AK9: variants seen among roughly 807,000 people sequenced by gnomAD.
AK9 encodes adenylate kinase 9, also known as adenylate kinase domain containing 1.
Under a neutral mutation model 239.6 loss-of-function variants are expected in AK9, and 191 were observed. That is an observed-to-expected ratio of 0.80 (90% CI 0.71 to 0.90). AK9 has a LOEUF of 0.90. Ranked by LOEUF, AK9 falls within the 40% of genes least tolerant of loss-of-function variation. The pLI is 0.00. For synonymous variants in AK9, 689 were observed against 721.0 expected (o/e 0.96, Z 0.71); for missense variants, 1,995 against 2,214.7 (o/e 0.90, Z 1.99).
At chr6:109,640,368 C>T (rs1479195429) in intron 10 of AK9, among the ~76,000 whole-genome samples, 2 of 152,110 alleles carry the variant, frequency 1.3e-5, no homozygotes, top group Non-Finnish European at 2.9e-5. Flanking sequence ...AAGGGAAATC[C>T]CCGGACCCCT....
chr6:109,607,748 G>A (rs555683980), intron 17 of AK9, among the ~76,000 whole-genome samples: 2 of 148,592 alleles, frequency 1.3e-5, no homozygotes, highest in Non-Finnish European at 3.0e-5. Flanking sequence ...AATGCAACCC[G>A]ATCAAAATCC....
intron 29 of AK9, among the ~76,000 whole-genome samples, chr6:109,519,495 T>C (rs1032165471): frequency 5.3e-5 from 8 of 152,130 alleles, no homozygotes; most frequent in African/African-American, 1.7e-4. Flanking sequence ...TTTTGACTTT[T>C]TAATAATAGC....
chr6:109,632,286 A>G (rs1796165705), intron 12 of AK9: 1 of 985,488 alleles, frequency 1.0e-6, no homozygotes, highest in Non-Finnish European at 1.2e-6. Flanking sequence ...GTCTTTAGCC[A>G]TGATCTTGTG....
chr6:109,646,971 T>A (rs1418660742), intron 8 of AK9, among the ~76,000 whole-genome samples: 1 of 152,184 alleles, frequency 6.6e-6, no homozygotes, highest in East Asian at 1.9e-4. Context: ...AACCCAGAAT[T>A]TCATATCCAG....
At chr6:109,515,301 C>T (rs116075270) in intron 31 of AK9, among the ~76,000 whole-genome samples, 1,728 of 152,198 alleles carry the variant, frequency 0.011, 31 homozygotes, top group African/African-American at 0.038. Context: ...TAAGAGCTAT[C>T]ATGAAAGGGA....
chr6:109,573,638 A>G (rs1344115499), intron 20 of AK9, 44 bp from the exon 21 acceptor site: 1 of 1,507,412 alleles, frequency 6.6e-7, no homozygotes, highest in South Asian at 1.3e-5. Context: ...GTTGAAGTCA[A>G]CAAATATTTA....
chr6:109,680,685 A>C (rs1456012834), intron 1 of AK9, among the ~76,000 whole-genome samples: 1 of 152,228 alleles, frequency 6.6e-6, no homozygotes, highest in Non-Finnish European at 1.5e-5. Flanking sequence ...GAAGGAAAAA[A>C]TGTTAAGGGT....
At position 109,514,347 on chromosome 6, in the gene AK9, T is replaced by C; in HGVS notation, c.4156A>G (p.Ser1386Gly). The C allele has an allele frequency of 6.4e-7, 1 of 1,551,150 alleles. No individual in the cohort carries two copies. The highest frequency in any genetic ancestry group is 8.7e-7 in the Non-Finnish European group (1 of 1,146,630). ...ATAAATTTTTCTTTTGTTTCTTTAC[T>C]AGATAAAAAATAAATATACTGACGA... is the stretch of plus-strand genomic sequence containing the variant. The part of the protein sequence containing the change: ...IHRQYIYFLS[S>G]KETKEKFMKN... The change falls in exon 32 of 41, where the codon AGT becomes GGT. Residue 1386 changes from serine (S) to glycine (G), a missense_variant. Transcript: ENST00000424296.
intron 12 of AK9, among the ~76,000 whole-genome samples, chr6:109,629,630 G>GAA (rs142212078): frequency 0.017 from 2,497 of 146,850 alleles, 32 homozygotes; most frequent in Middle Eastern, 0.042. Context: ...AACAGTATTT[G>GAA]AAAAATTTTT....
At chr6:109,574,935 A>G (rs1787870066) in intron 20 of AK9, among the ~76,000 whole-genome samples, 1 of 152,110 alleles carries the variant, frequency 6.6e-6, no homozygotes, top group Admixed American at 6.6e-5. Flanking sequence ...TTTAGCTCTC[A>G]CTTATAAGTG....
At position 109,533,313 on chromosome 6, in the gene AK9, G is replaced by A. The variant is rs773663541; in HGVS notation, c.3508C>T (p.Leu1170=). Residue 1170 remains leucine, a synonymous_variant, in exon 28 of 41, where the codon CTA becomes TTA. Transcript: ENST00000424296. ...CTTTCTAATTTCTTCTTTTGTTTTA[G>A]TTTCCACTTTTCAATTTGGGCAGGA... ...LLPAQIEKWK[L]KQKKKLERKK... 1 of 1,611,502 alleles carries A rather than the reference G, an allele frequency of 6.2e-7. No homozygotes were observed. The highest frequency in any genetic ancestry group is 1.1e-5 in the South Asian group (1 of 90,346).
Position 109,674,261 on chromosome 6 carries a change from C to T in AK9, c.118G>A (p.Gly40Ser). ...PVCFVVFGKP[G>S]VGKTTLARYI... Reference sequence around the variant, plus strand: ...CGGGCTAATGTTGTTTTCCCAACACCCTTAAAAAGAAAAATGTTATTTAAA... The same window carrying T: ...CGGGCTAATGTTGTTTTCCCAACACTCTTAAAAAGAAAAATGTTATTTAAA... The change falls in exon 3 of 41, where the codon GGT becomes AGT. Residue 40 changes from glycine (G) to serine (S), a missense_variant and splice_region_variant. Coordinates refer to ENST00000424296, the MANE Select transcript of AK9 (RefSeq NM_001145128.3). 1 of 1,555,540 alleles carries T rather than the reference C, an allele frequency of 6.4e-7. No homozygotes were observed. The highest frequency in any genetic ancestry group is 1.4e-5 in the African/African-American group (1 of 72,936).
intron 19 of AK9, among the ~76,000 whole-genome samples, chr6:109,580,600 T>C (rs945483386): frequency 2.0e-5 from 3 of 152,210 alleles, no homozygotes; most frequent in African/African-American, 7.2e-5. Context: ...TACTCCGCGT[T>C]CTTTGCATCC....
At chr6:109,498,902 C>T (rs1777329817) in intron 36 of AK9, 142 bp downstream of exon 36, 2 of 623,706 alleles carry the variant, frequency 3.2e-6, no homozygotes, top group East Asian at 6.5e-5. Context: ...TGCTGAGTTG[C>T]TTCACTGGTC....
At chr6:109,537,019 A>G (rs972413090) in intron 27 of AK9, among the ~76,000 whole-genome samples, 3 of 152,160 alleles carry the variant, frequency 2.0e-5, no homozygotes, top group Non-Finnish European at 4.4e-5. Context: ...TATTTTACTG[A>G]GGATTTTTGC....
At chr6:109,662,458 A>G in intron 6 of AK9, 93 bp downstream of exon 6, 2 of 1,061,188 alleles carry the variant, frequency 1.9e-6, no homozygotes, top group East Asian at 3.3e-5. Context: ...TATTATCTCC[A>G]TAACTATTTA....
At chr6:109,665,369 G>C (rs1013468012) in intron 5 of AK9, among the ~76,000 whole-genome samples, 5 of 152,120 alleles carry the variant, frequency 3.3e-5, no homozygotes, top group Non-Finnish European at 5.9e-5. Flanking sequence ...TATCCTATTG[G>C]AGGTTCATTA....
At chr6:109,670,394 C>A (rs1801893308) in intron 5 of AK9, among the ~76,000 whole-genome samples, 1 of 152,054 alleles carries the variant, frequency 6.6e-6, no homozygotes, top group South Asian at 2.1e-4. Flanking sequence ...TTCAAAATAA[C>A]ATAGGTTGAG....
rs370245538 is a variant in AK9, at chr6:109,499,108, G to A, written c.4982C>T (p.Ser1661Phe). The A allele has an allele frequency of 3.2e-5, 51 of 1,606,442 alleles. No individual in the cohort carries two copies. The highest frequency in any genetic ancestry group is 4.3e-5 in the Non-Finnish European group (50 of 1,176,142). ...CCTGAACTCTGCTGCAAATTCCAAGGAGTCAGTTGCAGAGCAATCAAATAA... is the reference window on the plus strand; with the variant it reads ...CCTGAACTCTGCTGCAAATTCCAAGAAGTCAGTTGCAGAGCAATCAAATAA... ...QELFDCSATDSLEFAAEFRGH... is the reference protein window; with the variant it reads ...QELFDCSATDFLEFAAEFRGH... The change falls in exon 36 of 41, where the codon TCC becomes TTC. Residue 1661 changes from serine (S) to phenylalanine (F), a missense_variant. Coordinates refer to ENST00000424296, the MANE Select transcript of AK9 (RefSeq NM_001145128.3).
Sources: gnomAD v4.1 joint callset for allele counts (sites outside exome capture counted in the v4.1 genomes callset) on GRCh38, gnomAD v4.1.1 for gene constraint, MANE v1.5 for transcripts, NCBI Gene and HGNC (gene_info 2026-07-23, HGNC 2026-07-21) for gene names.